Variants in ST3GAL1 observed in about 807,000 individuals in gnomAD.
ST3GAL1 encodes the protein ST3 beta-galactoside alpha-2,3-sialyltransferase 1.
ST3GAL1 carries 16 observed loss-of-function variants against 34.1 expected under a neutral mutation model. That is an observed-to-expected ratio of 0.47 (90% CI 0.32 to 0.71). The LOEUF (loss-of-function observed/expected upper bound fraction) is 0.71, where lower values mean the gene tolerates loss of function less well. Ranked by LOEUF, ST3GAL1 falls within the 30% of genes least tolerant of loss-of-function variation. The pLI, the probability that ST3GAL1 is intolerant of heterozygous loss-of-function variation, is 0.04. For missense variants in ST3GAL1, 353 were observed against 447.4 expected (o/e 0.79, Z 1.90); for synonymous variants, 191 against 184.7 (o/e 1.03, Z -0.28).
intron 3 of ST3GAL1, among the ~76,000 whole-genome samples, chr8:133,483,060 G>C (rs1248476868): frequency 6.6e-6 from 1 of 152,198 alleles, no homozygotes; most frequent in Non-Finnish European, 1.5e-5. Flanking sequence ...TGCTCACGCA[G>C]GCCGGGCATG....
At chr8:133,497,556 C>T (rs1242969893) in intron 3 of ST3GAL1, among the ~76,000 whole-genome samples, 2 of 144,184 alleles carry the variant, frequency 1.4e-5, no homozygotes, top group Non-Finnish European at 3.0e-5. Flanking sequence ...CTGCAACCTC[C>T]GTGCCTCCTG....
chr8:133,457,563 C>A lies in ST3GAL1; in HGVS notation c.*2201G>T, dbSNP rs1469751839. 1 of 152,166 alleles carries A rather than the reference C, an allele frequency of 6.6e-6. No homozygotes were observed. The highest frequency in any genetic ancestry group is 1.5e-5 in the Non-Finnish European group (1 of 68,032). The allele number at this position is 152,166 out of a possible 1,614,324, so 9.4% of individuals were successfully genotyped here. ...AATGATGACTCAGTGATTTACCAGC[C>A]TTTCTCAGAAAAAAGAAAAGTCTTT... On this transcript the variant is annotated 3_prime_UTR_variant, in exon 10 of 10. Transcript: ENST00000522652.
chr8:133,537,233 G>A (rs1818337864), intron 2 of ST3GAL1, among the ~76,000 whole-genome samples: 1 of 152,128 alleles, frequency 6.6e-6, no homozygotes, highest in Non-Finnish European at 1.5e-5. Flanking sequence ...GAGGTATGGG[G>A]GAAGGGGCAT....
chr8:133,472,231 T>G (rs1815998092), intron 5 of ST3GAL1, among the ~76,000 whole-genome samples: 1 of 152,152 alleles, frequency 6.6e-6, no homozygotes, highest in South Asian at 2.1e-4. Flanking sequence ...TGCTCCTGTG[T>G]CCCTGTTCCT....
intron 1 of ST3GAL1, among the ~76,000 whole-genome samples, chr8:133,551,497 A>G (rs1008371866): frequency 6.6e-6 from 1 of 150,808 alleles, no homozygotes; most frequent in Non-Finnish European, 1.5e-5. Flanking sequence ...AAAGAGAAAG[A>G]AAGAGACAGA....
At chr8:133,472,174 TTAACTCA>T (rs1381752344) in intron 5 of ST3GAL1, among the ~76,000 whole-genome samples, 2 of 145,398 alleles carry the variant, frequency 1.4e-5, no homozygotes, top group African/African-American at 5.0e-5. Context: ...TCAACTCAAT[TTAACTCA>T]ACTCAACTCA....
rs1816145244 is a variant in ST3GAL1 at position 133,475,709 on chromosome 8, A to T, written c.306+10T>A. 6.3e-7 allele frequency: 1 copy of T among 1,577,088 alleles called. No homozygotes were observed. On this transcript the variant is annotated intron_variant, in intron 5 of 9. Coordinates refer to ENST00000522652, the MANE Select transcript of ST3GAL1 (RefSeq NM_173344.3). ...CTCAGCCCAGACCCCGCTCTCAGGC[A>T]GCATCTCACCAGCCACCATCGGTAG...
At chr8:133,500,543 A>T (rs1817116952) in intron 2 of ST3GAL1, among the ~76,000 whole-genome samples, 1 of 152,188 alleles carries the variant, frequency 6.6e-6, no homozygotes, top group Non-Finnish European at 1.5e-5. Context: ...GAGGGCAGTG[A>T]TGAGGGTGGG....
chr8:133,486,968 G>A (rs1184603874), intron 3 of ST3GAL1, among the ~76,000 whole-genome samples: 1 of 152,196 alleles, frequency 6.6e-6, no homozygotes, highest in Non-Finnish European at 1.5e-5. Flanking sequence ...TATTGAGACG[G>A]AGTCTCGCTC....
intron 2 of ST3GAL1, among the ~76,000 whole-genome samples, chr8:133,527,121 G>C (rs770458255): frequency 6.6e-6 from 1 of 152,148 alleles, no homozygotes; most frequent in Non-Finnish European, 1.5e-5. Flanking sequence ...TTGTGAAGGG[G>C]CTGCTCTTTA....
At chr8:133,462,902 C>T (rs939968713) in intron 8 of ST3GAL1, among the ~76,000 whole-genome samples, 10 of 152,318 alleles carry the variant, frequency 6.6e-5, no homozygotes, top group East Asian at 1.9e-4. Context: ...CTGACCTCTC[C>T]GAGCCTATCT....
At chr8:133,471,711 C>T (rs1815967852) in intron 5 of ST3GAL1, among the ~76,000 whole-genome samples, 1 of 152,064 alleles carries the variant, frequency 6.6e-6, no homozygotes, top group Non-Finnish European at 1.5e-5. Context: ...GATACCTACA[C>T]CCTCCTGGTG....
At chr8:133,487,836 C>T (rs995065803) in intron 3 of ST3GAL1, among the ~76,000 whole-genome samples, 1 of 152,016 alleles carries the variant, frequency 6.6e-6, no homozygotes, top group Non-Finnish European at 1.5e-5. Flanking sequence ...GGTGTGGTGG[C>T]GGATGCCTGT....
intron 2 of ST3GAL1, among the ~76,000 whole-genome samples, chr8:133,510,348 T>G (rs1817469477): frequency 6.6e-6 from 1 of 152,120 alleles, no homozygotes; most frequent in Non-Finnish European, 1.5e-5. Context: ...CCCCTTCACC[T>G]CACATCATGT....
chr8:133,485,612 A>T (rs1816555485), intron 3 of ST3GAL1, among the ~76,000 whole-genome samples: 1 of 152,212 alleles, frequency 6.6e-6, no homozygotes, highest in Non-Finnish European at 1.5e-5. Flanking sequence ...ATACACAGGA[A>T]AAGTGCACCA....
intron 1 of ST3GAL1, among the ~76,000 whole-genome samples, chr8:133,565,498 G>T (rs1267964770): frequency 6.6e-6 from 1 of 152,104 alleles, no homozygotes. Context: ...ATGGGCCCAG[G>T]TGCTACAGCA....
At chr8:133,460,074 TA>T (rs148947751) in intron 9 of ST3GAL1, 137 bp from the exon 10 acceptor site, 15,407 of 875,896 alleles carry the variant, frequency 0.018, 260 homozygotes, top group African/African-American at 0.063. Context: ...AACCCTTCAT[TA>T]AAAACCCTTC....
intron 5 of ST3GAL1, among the ~76,000 whole-genome samples, chr8:133,468,878 C>T (rs1815843134): frequency 6.6e-6 from 1 of 152,218 alleles, no homozygotes; most frequent in South Asian, 2.1e-4. Context: ...GGTAGAGGAC[C>T]ACAGCCAGAC....
chr8:133,463,564 C>T, intron 7 of ST3GAL1, 105 bp from the exon 8 acceptor site: 3 of 1,264,764 alleles, frequency 2.4e-6, no homozygotes, highest in Non-Finnish European at 3.4e-6. Context: ...CAGGCATAGC[C>T]TCTCCTGCCC....
Sources: gnomAD v4.1 joint callset for allele counts (sites outside exome capture counted in the v4.1 genomes callset) on GRCh38, gnomAD v4.1.1 for gene constraint, MANE v1.5 for transcripts, NCBI Gene and HGNC (gene_info 2026-07-23, HGNC 2026-07-21) for gene names.